SPO11: variants seen among roughly 807,000 people sequenced by gnomAD.
SPO11 encodes meiotic recombination protein SPO11.
Under a neutral mutation model 51.6 loss-of-function variants are expected in SPO11, and 49 were observed. The ratio of observed to expected loss-of-function variants is 0.95; its 90% confidence interval spans 0.75 to 1.20. The LOEUF is 1.20. SPO11 is among the 50% of genes most tolerant of loss of function. The pLI is 0.00. For missense variants in SPO11, 431 were observed against 473.4 expected, an observed-to-expected ratio of 0.91 and a Z score of 0.83; for synonymous variants, 176 against 158.2, an observed-to-expected ratio of 1.11 and a Z score of -0.84.
chr20:57,334,561 G>A (rs2066488734), intron 5 of SPO11, among the ~76,000 whole-genome samples, 189 bp from the exon 6 acceptor site: 1 of 152,154 alleles, frequency 6.6e-6, no homozygotes, highest in South Asian at 2.1e-4. Flanking sequence ...TCCTTTGGGT[G>A]AATGGACCAA....
At chr20:57,343,304 G>A (rs577432274) in intron 12 of SPO11, 37 bp from the exon 13 acceptor site, 6 of 1,593,350 alleles carry the variant, frequency 3.8e-6, no homozygotes, top group African/African-American at 2.7e-5. Flanking sequence ...ATGCAACTAA[G>A]AACTCTGGTA....
chr20:57,337,772 G>T (rs745605702), intron 8 of SPO11: 11 of 1,307,878 alleles, frequency 8.4e-6, no homozygotes, highest in Non-Finnish European at 1.0e-5. Context: ...GAAATCCAAG[G>T]TAGGAAGATG....
intron 8 of SPO11, among the ~76,000 whole-genome samples, chr20:57,336,605 G>A (rs2066516354): frequency 6.6e-6 from 1 of 152,206 alleles, no homozygotes; most frequent in Non-Finnish European, 1.5e-5. Flanking sequence ...CCAGGGCAGC[G>A]CTCCTCACTG....
At chr20:57,330,806 T>A (rs767001166) in intron 1 of SPO11, among the ~76,000 whole-genome samples, 11 of 151,746 alleles carry the variant, frequency 7.2e-5, no homozygotes, top group Admixed American at 3.3e-4. Flanking sequence ...CTTGGGAGAG[T>A]GAGGGAAAAG....
chr20:57,332,268 CAG>C (rs1401322290), intron 2 of SPO11, among the ~76,000 whole-genome samples: 1 of 152,152 alleles, frequency 6.6e-6, no homozygotes, highest in African/African-American at 2.4e-5. Context: ...TTCTAGCAGT[CAG>C]AGGGGGAGAT....
chr20:57,338,584 T>A (rs775311151), intron 9 of SPO11, among the ~76,000 whole-genome samples: 7 of 151,870 alleles, frequency 4.6e-5, no homozygotes, highest in Non-Finnish European at 1.0e-4. Flanking sequence ...GCTGGAACTA[T>A]AGGCACATGC....
At chr20:57,340,292 G>T in intron 11 of SPO11, 114 bp downstream of exon 11, 7 of 618,432 alleles carry the variant, frequency 1.1e-5, no homozygotes, top group Non-Finnish European at 2.0e-5. Flanking sequence ...TATTTATATT[G>T]TCCACGATGA....
rs1031418740 is a variant in SPO11 at position 57,343,542 on chromosome 20, ATATAT to A, written c.*89_*93del. On this transcript the variant is annotated 3_prime_UTR_variant, in exon 13 of 13. Coordinates refer to ENST00000371263, the MANE Select transcript of SPO11 (RefSeq NM_012444.3). ...TGGCAAATACTATTGTGGAAAGAACATATATTATATTCTTAATTCTGTAAAAGTGA... is the reference window on the plus strand; with the variant it reads ...TGGCAAATACTATTGTGGAAAGAACATATATTCTTAATTCTGTAAAAGTGA... 5.1e-5 allele frequency: 68 copies of A among 1,328,054 alleles called. No homozygotes were observed. Among genetic ancestry groups the A allele is most frequent in the Admixed American group, 2.6e-4 (10 of 38,610 alleles). The allele number at this position is 1,328,054 out of a possible 1,614,324, so 82.3% of individuals were successfully genotyped here.
In SPO11 at chr20:57,334,086, T is replaced by A; in HGVS notation, c.501T>A (p.Ser167Arg). 1 of 1,531,308 alleles carries A rather than the reference T, an allele frequency of 6.5e-7. No homozygotes were observed. Among genetic ancestry groups the A allele is most frequent in the South Asian group, 1.2e-5 (1 of 82,192 alleles). The allele number at this position is 1,531,308 out of a possible 1,614,324, so 94.9% of individuals were successfully genotyped here. A position where few individuals can be genotyped will look rare whatever the true frequency, so the allele number is the denominator to read the frequency against. ...ISCMLKVSRR[S>R]LHILSTSKGL... Reference sequence around the variant, plus strand: ...GCATGTTAAAAGTGTCAAGGAGGAGTCTACATATAGTAAGTAGTACCTAAT... The same window carrying A: ...GCATGTTAAAAGTGTCAAGGAGGAGACTACATATAGTAAGTAGTACCTAAT... Residue 167 changes from serine to arginine, a missense_variant, in exon 5 of 13, where the codon AGT becomes AGA. Physicochemically the swap from Ser to Arg is moderately radical, Grantham distance 110. This residue lies in a region of SPO11 where 405 missense variants were observed against 425.9 expected (regional missense o/e 0.95). Coordinates refer to ENST00000371263, the MANE Select transcript of SPO11 (RefSeq NM_012444.3).
Position 57,339,011 on chromosome 20 carries a change from T to G in SPO11, c.867T>G (p.Tyr289Ter). 2 of 1,489,988 alleles carry G rather than the reference T, an allele frequency of 1.3e-6. No individual in the cohort carries two copies. Among genetic ancestry groups the G allele is most frequent in the Non-Finnish European group, 1.8e-6 (2 of 1,093,540 alleles). 92.3% of individuals were successfully genotyped at this position (1,489,988 alleles called of 1,614,324 possible). ...CAGGCATAGAAATAATGTGCATCTA[T>G]AAGTATGGATCTATGGTAAGTATAG... ...DPHGIEIMCI[Y>*]KYGSMSMSFE... is the part of the protein sequence containing the mutation. The change falls in exon 10 of 13, where the codon TAT becomes TAG. Residue 289 changes from tyrosine to a stop codon, truncating the protein, a stop_gained. Coordinates refer to ENST00000371263, the MANE Select transcript of SPO11 (RefSeq NM_012444.3). LOFTEE classifies it high-confidence loss of function.
In SPO11 at chr20:57,334,092, T is replaced by C; in HGVS notation, c.507T>C (p.His169=). The C allele has an allele frequency of 1.4e-6, 2 of 1,455,368 alleles. No homozygotes were observed. Among genetic ancestry groups the C allele is most frequent in the Non-Finnish European group, 1.9e-6 (2 of 1,056,924 alleles). 90.2% of individuals were successfully genotyped at this position (1,455,368 alleles called of 1,614,324 possible). Residue 169 remains histidine, a synonymous_variant, in exon 5 of 13, where the codon CAT becomes CAC. Coordinates refer to ENST00000371263, the MANE Select transcript of SPO11 (RefSeq NM_012444.3). ...TAAAAGTGTCAAGGAGGAGTCTACA[T>C]ATAGTAAGTAGTACCTAATACAAAA... ...CMLKVSRRSL[H]ILSTSKGLIA...
intron 11 of SPO11, 100 bp downstream of exon 11, chr20:57,340,278 T>G: frequency 1.4e-6 from 1 of 693,992 alleles, no homozygotes; most frequent in Non-Finnish European, 2.5e-6. Flanking sequence ...CTCTTAATGT[T>G]TTTTATTTAT....
chr20:57,330,837 T>C (rs896091390), intron 1 of SPO11, among the ~76,000 whole-genome samples: 1 of 151,864 alleles, frequency 6.6e-6, no homozygotes, highest in African/African-American at 2.4e-5. Context: ...AGTCCCTTGT[T>C]AATATCGCAG....
At chr20:57,335,059 TAAA>T (rs111245214) in intron 6 of SPO11, among the ~76,000 whole-genome samples, 6,037 of 152,336 alleles carry the variant, frequency 0.04, 175 homozygotes, top group African/African-American at 0.088. Context: ...ATATAACTCT[TAAA>T]AATGCACTAT....
chr20:57,342,320 G>A (rs1223488023), intron 11 of SPO11, among the ~76,000 whole-genome samples: 2 of 152,220 alleles, frequency 1.3e-5, no homozygotes, highest in Non-Finnish European at 2.9e-5. Context: ...CTCAGCCGTT[G>A]GCCATGCATA....
chr20:57,336,759 C>T (rs1415546098), intron 8 of SPO11, among the ~76,000 whole-genome samples: 7 of 152,160 alleles, frequency 4.6e-5, no homozygotes, highest in Non-Finnish European at 1.0e-4. Context: ...TCCCAAAGAA[C>T]ATTATGAAAA....
At chr20:57,335,123 G>C (rs16980898) in intron 6 of SPO11, among the ~76,000 whole-genome samples, 6,079 of 152,226 alleles carry the variant, frequency 0.04, 182 homozygotes, top group African/African-American at 0.089. Flanking sequence ...ATTTAGTAAT[G>C]TTCATAAAAT....
At chr20:57,335,352 C>A in intron 6 of SPO11, 67 bp from the exon 7 acceptor site, 1 of 1,318,186 alleles carries the variant, frequency 7.6e-7, no homozygotes, top group Admixed American at 2.1e-5. Context: ...AAACAGAGGG[C>A]TTTGTGATAA....
Position 57,340,088 on chromosome 20 carries a change from G to A in SPO11, c.883-14G>A. On this transcript the variant is annotated splice_polypyrimidine_tract_variant and intron_variant, in intron 10 of 12. Transcript: ENST00000371263. ...ATTTAGCCTCACCTAATATACTTTT[G>A]TTCTTTATTTTAGTCTATGTCTTTT... The A allele has an allele frequency of 1.9e-6, 3 of 1,583,716 alleles. No homozygotes were observed. The highest frequency in any genetic ancestry group is 2.6e-6 in the Non-Finnish European group (3 of 1,152,790).
Sources: allele counts gnomAD v4.1 joint callset (sites outside exome capture counted in the v4.1 genomes callset), GRCh38; gene constraint gnomAD v4.1.1; regional missense constraint gnomAD v4.1.1; transcripts MANE v1.5; gene names NCBI Gene and HGNC (gene_info 2026-07-23, HGNC 2026-07-21).